The following MPRIP variants were observed in gnomAD, a reference collection of about 807,000 sequenced individuals.
MPRIP encodes myosin phosphatase Rho interacting protein, also known as myosin phosphatase Rho-interacting protein.
In MPRIP, 59 loss-of-function variants were observed where a neutral mutation model predicts 234.9. The observed-to-expected ratio is 0.25, with a 90% CI of 0.20 to 0.31. The LOEUF is 0.31. Among genes scored for constraint, MPRIP ranks in the 10% least tolerant of loss-of-function variants. MPRIP has a pLI of 1.00. For missense variants in MPRIP, 2,436 were observed against 3,071.0 expected (o/e 0.79, Z 4.89); for synonymous variants, 1,144 against 1,263.9 (o/e 0.91, Z 2.01).
intron 3 of MPRIP, among the ~76,000 whole-genome samples, chr17:17,081,146 C>T (rs1053238194): frequency 2.6e-5 from 4 of 152,252 alleles, no homozygotes; most frequent in Admixed American, 2.6e-4. Context: ...GTGCCCTCCA[C>T]ACTCAATCAG....
At chr17:17,146,222 C>A in intron 10 of MPRIP, 130 bp downstream of exon 10, 1 of 804,166 alleles carries the variant, frequency 1.2e-6, no homozygotes, top group Non-Finnish European at 2.1e-6. Context: ...GTCTTCATGA[C>A]CAGGGCTGTG....
Position 17,142,736 on chromosome 17 carries a change from A to G in MPRIP, c.1360A>G (p.Ser454Gly). The G allele has an allele frequency of 6.2e-7, 1 of 1,612,670 alleles. No homozygotes were observed. Among genetic ancestry groups the G allele is most frequent in the Non-Finnish European group, 8.5e-7 (1 of 1,179,958 alleles). ...ATCCAGCGACACACGCCAGGGCCGC[A>G]GCGAGAAGAGGGCGTTCCCTAGGAA... ...SPSSDTRQGR[S>G]EKRAFPRKRD... Residue 454 changes from serine (S) to glycine (G), a missense_variant, in exon 8 of 24, where the codon AGC becomes GGC. By Grantham distance (56) the Ser-to-Gly change is moderately conservative. Around this residue, in one of 4 missense-constraint regions of MPRIP, gnomAD observed 267 missense variants for 252.7 expected, o/e 1.06. Coordinates refer to ENST00000651222, the MANE Select transcript of MPRIP (RefSeq NM_001364716.4).
Position 17,143,688 on chromosome 17 carries a change from T to G in MPRIP, c.1503+19T>G, listed in dbSNP as rs35034705. ...CGTGACGGTGAGCCCAGGCGCCGCG[T>G]CCTCCGGAGGCCGTGCTCCTCTGCT... is the stretch of plus-strand genomic sequence containing the variant. On this transcript the variant is annotated intron_variant, in intron 9 of 23. Coordinates refer to ENST00000651222, the MANE Select transcript of MPRIP (RefSeq NM_001364716.4). 16,662 of 1,531,842 alleles carry G rather than the reference T, an allele frequency of 0.011. 710 individuals carry two copies. The African/African-American group carries it at 0.12, about 11-fold the overall frequency. 94.9% of individuals were successfully genotyped at this position (1,531,842 alleles called of 1,614,324 possible). A position where few individuals can be genotyped will look rare whatever the true frequency, so the allele number is the denominator to read the frequency against.
chr17:17,079,198 G>GTGAATTA (rs1767825144), intron 3 of MPRIP, among the ~76,000 whole-genome samples: 1 of 152,172 alleles, frequency 6.6e-6, no homozygotes, highest in African/African-American at 2.4e-5. Context: ...TGTTTCTGGG[G>GTGAATTA]TGAATTAAGA....
At chr17:17,070,023 A>G (rs566586205) in intron 1 of MPRIP, among the ~76,000 whole-genome samples, 1 of 152,314 alleles carries the variant, frequency 6.6e-6, no homozygotes, top group East Asian at 1.9e-4. Flanking sequence ...TACTGGTTAT[A>G]GGATTCTAGG....
rs1287731507 is a variant in MPRIP, at chr17:17,177,230, T to C, written c.6958-20T>C. 3.1e-6 allele frequency: 5 copies of C among 1,607,236 alleles called. No individual in the cohort carries two copies. The highest frequency in any genetic ancestry group is 4.3e-6 in the Non-Finnish European group (5 of 1,174,674). ...TCTTTCCTGGATGTAACTACCATTCTCTGTCATTTCACTCCCAAGGACAAG... is the reference window on the plus strand; with the variant it reads ...TCTTTCCTGGATGTAACTACCATTCCCTGTCATTTCACTCCCAAGGACAAG... On this transcript the variant is annotated intron_variant, in intron 21 of 23. Transcript: ENST00000651222.
Position 17,158,958 on chromosome 17 carries a change from G to C in MPRIP, c.2356G>C (p.Asp786His). 6.2e-7 allele frequency: 1 copy of C among 1,612,830 alleles called. No individual in the cohort carries two copies. The highest frequency in any genetic ancestry group is 8.5e-7 in the Non-Finnish European group (1 of 1,179,940). Residue 786 changes from aspartate to histidine, a missense_variant, in exon 14 of 24, where the codon GAC becomes CAC. Transcript: ENST00000651222. ...PVHLSSEDGG[D>H]RLSTHELTSL... ...CCACCTGTCTTCTGAAGATGGGGGTGACCGGCTCTCCACACACGAGCTGAC... is the reference window on the plus strand; with the variant it reads ...CCACCTGTCTTCTGAAGATGGGGGTCACCGGCTCTCCACACACGAGCTGAC...
intron 10 of MPRIP, among the ~76,000 whole-genome samples, chr17:17,146,792 T>C (rs1037631741): frequency 3.3e-5 from 5 of 152,252 alleles, no homozygotes; most frequent in African/African-American, 1.2e-4. Flanking sequence ...TTATTTCTCC[T>C]CCATATCAAA....
intron 3 of MPRIP, among the ~76,000 whole-genome samples, chr17:17,091,697 T>C (rs1423157766): frequency 6.6e-6 from 1 of 152,006 alleles, no homozygotes; most frequent in Non-Finnish European, 1.5e-5. Context: ...TTGGTGCGGC[T>C]CTCCCTCAGG....
chr17:17,101,036 C>T (rs1040478343), intron 3 of MPRIP, among the ~76,000 whole-genome samples: 7 of 152,116 alleles, frequency 4.6e-5, no homozygotes, highest in Non-Finnish European at 5.9e-5. Context: ...CTCAGTGGAG[C>T]GCTATATCCT....
In MPRIP at chr17:17,090,338, A is replaced by C. The variant is rs2089686196; in HGVS notation, c.267+12262A>C. Among the ~76,000 whole-genome samples the C allele has an allele frequency of 2.0e-5, 3 of 152,178 alleles. No homozygotes were observed. The South Asian group carries it at 6.2e-4, about 32-fold the overall frequency. On this transcript the variant is annotated intron_variant, in intron 3 of 23. Transcript: ENST00000651222. ...CGGCCCCAACCCGTCCCCTGTCCTC[A>C]TGTAGCTAATGCTTGCTTTTGGGCT...
intron 1 of MPRIP, among the ~76,000 whole-genome samples, chr17:17,064,150 G>C (rs2088949119): frequency 6.6e-6 from 1 of 152,152 alleles, no homozygotes; most frequent in South Asian, 2.1e-4. Context: ...AGACCCCTGA[G>C]GACTGACTGC....
chr17:17,132,225 T>C (rs1479263241), intron 5 of MPRIP, among the ~76,000 whole-genome samples: 1 of 152,126 alleles, frequency 6.6e-6, no homozygotes, highest in African/African-American at 2.4e-5. Context: ...ATGATCCTCC[T>C]TCCCTCCCTG....
intron 3 of MPRIP, among the ~76,000 whole-genome samples, chr17:17,118,808 CT>C (rs2090334422): frequency 6.6e-6 from 1 of 152,106 alleles, no homozygotes; most frequent in South Asian, 2.1e-4. Flanking sequence ...CCTCAGAGGA[CT>C]TGGGCTTTGG....
chr17:17,044,306 T>C (rs1170807186), intron 1 of MPRIP, among the ~76,000 whole-genome samples: 1 of 152,228 alleles, frequency 6.6e-6, no homozygotes, highest in Non-Finnish European at 1.5e-5. Context: ...CTTGATTCCT[T>C]CTTCTCATCT....
intron 3 of MPRIP, among the ~76,000 whole-genome samples, chr17:17,083,719 GT>G (rs1421805091): frequency 6.6e-6 from 1 of 152,012 alleles, no homozygotes; most frequent in Admixed American, 6.6e-5. Context: ...CACTTTGTGT[GT>G]TTTTTTGTTG....
chr17:17,081,365 G>A (rs1228531435), intron 3 of MPRIP, among the ~76,000 whole-genome samples: 1 of 152,210 alleles, frequency 6.6e-6, no homozygotes, highest in Non-Finnish European at 1.5e-5. Flanking sequence ...TACCAACTTT[G>A]TAAATGCCTT....
chr17:17,055,026 G>C (rs2088650614), intron 1 of MPRIP, among the ~76,000 whole-genome samples: 1 of 151,726 alleles, frequency 6.6e-6, no homozygotes, highest in Non-Finnish European at 1.5e-5. Flanking sequence ...CTCCAACCTG[G>C]GTAATAGAAC....
intron 16 of MPRIP, chr17:17,169,935 G>C (rs2144658186): frequency 6.6e-6 from 1 of 152,104 alleles, no homozygotes; most frequent in Non-Finnish European, 1.5e-5. Flanking sequence ...GAAGCAACTA[G>C]GTCTTTAAAG....
Sources: allele counts gnomAD v4.1 joint callset (sites outside exome capture counted in the v4.1 genomes callset), GRCh38; gene constraint gnomAD v4.1.1; regional missense constraint gnomAD v4.1.1; transcripts MANE v1.5; gene names NCBI Gene and HGNC (gene_info 2026-07-23, HGNC 2026-07-21).